The following MACROD2 variants were observed in gnomAD, a reference collection of about 807,000 sequenced individuals.
MACROD2 encodes the protein ADP-ribose glycohydrolase MACROD2.
Under a neutral mutation model 70.4 loss-of-function variants are expected in MACROD2, and 36 were observed. That is an observed-to-expected ratio of 0.51 (90% CI 0.39 to 0.68). MACROD2 has a LOEUF of 0.68. Ranked by LOEUF, MACROD2 falls within the 30% of genes least tolerant of loss-of-function variation. The pLI is 0.00. For synonymous variants in MACROD2, 172 were observed against 178.8 expected (o/e 0.96, Z 0.30); for missense variants, 496 against 538.4 (o/e 0.92, Z 0.78).
At chr20:15,547,260 A>T (rs1448114354) in intron 8 of MACROD2, among the ~76,000 whole-genome samples, 9 of 152,170 alleles carry the variant, frequency 5.9e-5, no homozygotes, top group African/African-American at 1.9e-4. Flanking sequence ...TCATCTCACA[A>T]ATTTCCACTG....
chr20:15,894,719 C>A (rs914702175), intron 10 of MACROD2, among the ~76,000 whole-genome samples: 1 of 152,204 alleles, frequency 6.6e-6, no homozygotes, highest in Admixed American at 6.5e-5. Context: ...TCAGTGATGG[C>A]TGTTGTTATC....
At chr20:15,486,003 C>T (rs1212867268) in intron 7 of MACROD2, among the ~76,000 whole-genome samples, 1 of 152,026 alleles carries the variant, frequency 6.6e-6, no homozygotes, top group African/African-American at 2.4e-5. Flanking sequence ...GTGGTGAAAT[C>T]CACTGTATAG....
At chr20:15,376,951 C>T (rs538776700) in intron 6 of MACROD2, among the ~76,000 whole-genome samples, 17 of 152,150 alleles carry the variant, frequency 1.1e-4, no homozygotes, top group East Asian at 3.9e-4. Flanking sequence ...AGTGCAGTGG[C>T]GCAATCTTGG....
chr20:14,614,438 A>G (rs1337236364), intron 4 of MACROD2, among the ~76,000 whole-genome samples: 1 of 152,034 alleles, frequency 6.6e-6, no homozygotes, highest in African/African-American at 2.4e-5. Flanking sequence ...ACTGGGAGCA[A>G]TTGAAATTGG....
At chr20:15,665,349 C>T (rs934463310) in intron 8 of MACROD2, among the ~76,000 whole-genome samples, 13 of 152,086 alleles carry the variant, frequency 8.5e-5, no homozygotes, top group African/African-American at 3.1e-4. Context: ...GGTTGACGTG[C>T]GTGGATTCCT....
intron 8 of MACROD2, among the ~76,000 whole-genome samples, chr20:15,777,931 G>A (rs562475914): frequency 2.6e-5 from 4 of 152,226 alleles, no homozygotes; most frequent in African/African-American, 7.2e-5. Context: ...GATTATAGGC[G>A]TGAGCCACTG....
chr20:14,993,618 A>G (rs2074925196), intron 5 of MACROD2, among the ~76,000 whole-genome samples: 1 of 152,200 alleles, frequency 6.6e-6, no homozygotes, highest in Non-Finnish European at 1.5e-5. Context: ...CCCAGATAAT[A>G]GAAAATAAAT....
At chr20:15,991,792 A>T (rs1486401167) in intron 15 of MACROD2, among the ~76,000 whole-genome samples, 2 of 152,132 alleles carry the variant, frequency 1.3e-5, no homozygotes, top group Non-Finnish European at 2.9e-5. Flanking sequence ...AATATTTTGA[A>T]TCTGAAATTC....
intron 3 of MACROD2, among the ~76,000 whole-genome samples, chr20:14,111,261 A>G (rs1002867483): frequency 2.6e-5 from 4 of 152,010 alleles, no homozygotes; most frequent in African/African-American, 7.2e-5. Flanking sequence ...TGAAACTACT[A>G]CAAGAAAACA....
At chr20:15,741,275 T>C (rs1247901189) in intron 8 of MACROD2, among the ~76,000 whole-genome samples, 2 of 147,730 alleles carry the variant, frequency 1.4e-5, no homozygotes, top group Admixed American at 1.3e-4. Context: ...TTTTTTTTTG[T>C]ATTTTAGTAG....
chr20:14,351,715 G>C (rs949996297), intron 3 of MACROD2, among the ~76,000 whole-genome samples: 3 of 152,018 alleles, frequency 2.0e-5, no homozygotes, highest in Non-Finnish European at 2.9e-5. Flanking sequence ...TTTCCAATTT[G>C]GATGCCCTTT....
At chr20:15,257,394 T>C (rs1030631669) in intron 6 of MACROD2, among the ~76,000 whole-genome samples, 7 of 152,080 alleles carry the variant, frequency 4.6e-5, no homozygotes, top group Admixed American at 6.6e-5. Context: ...ATGACACTTA[T>C]TGAGAACCTA....
intron 5 of MACROD2, among the ~76,000 whole-genome samples, chr20:14,904,564 C>T (rs567695290): frequency 6.6e-6 from 1 of 152,228 alleles, no homozygotes; most frequent in African/African-American, 2.4e-5. Context: ...AGGAGTTGAA[C>T]TACAACAGTG....
At chr20:15,799,632 T>C (rs1048963059) in intron 8 of MACROD2, among the ~76,000 whole-genome samples, 2 of 152,240 alleles carry the variant, frequency 1.3e-5, no homozygotes, top group African/African-American at 4.8e-5. Context: ...TTCATTATTT[T>C]TATGACAGAA....
intron 2 of MACROD2, among the ~76,000 whole-genome samples, chr20:14,065,810 AAG>A (rs779567541): frequency 6.6e-6 from 1 of 152,188 alleles, no homozygotes; most frequent in African/African-American, 2.4e-5. Context: ...TGACTCTTGA[AAG>A]AGGGGTTAAT....
intron 8 of MACROD2, among the ~76,000 whole-genome samples, chr20:15,837,662 T>G (rs2064129079): frequency 6.6e-6 from 1 of 152,142 alleles, no homozygotes; most frequent in Non-Finnish European, 1.5e-5. Flanking sequence ...TCTGGAAACT[T>G]GATTTGCCCC....
chr20:14,664,007 A>G (rs541715011), intron 4 of MACROD2, among the ~76,000 whole-genome samples: 2 of 152,256 alleles, frequency 1.3e-5, no homozygotes, highest in Non-Finnish European at 2.9e-5. Context: ...AACGTATATT[A>G]CAATTTTAAG....
chr20:15,001,068 T>A (rs1247686180), intron 5 of MACROD2, among the ~76,000 whole-genome samples: 1 of 152,160 alleles, frequency 6.6e-6, no homozygotes, highest in East Asian at 1.9e-4. Context: ...GATTATGAAA[T>A]CCTCTGTACC....
intron 5 of MACROD2, among the ~76,000 whole-genome samples, chr20:14,981,343 C>A (rs1217726170): frequency 6.6e-6 from 1 of 151,726 alleles, no homozygotes; most frequent in African/African-American, 2.4e-5. Context: ...GGGTAAGTTT[C>A]ACTTTTCCTT....
Sources: allele counts gnomAD v4.1 joint callset (sites outside exome capture counted in the v4.1 genomes callset), GRCh38; gene constraint gnomAD v4.1.1; transcripts MANE v1.5; gene names NCBI Gene and HGNC (gene_info 2026-07-23, HGNC 2026-07-21).